AP3S2: variants seen among roughly 807,000 people sequenced by gnomAD.
The protein encoded by AP3S2 is adaptor related protein complex 3 subunit sigma 2.
In AP3S2, 22 loss-of-function variants were observed where a neutral mutation model predicts 23.4. That is an observed-to-expected ratio of 0.94 (90% CI 0.67 to 1.34). The LOEUF is 1.34. AP3S2 is among the 40% of genes most tolerant of loss of function. The pLI is 0.00. For synonymous variants in AP3S2, 86 were observed against 87.1 expected, an observed-to-expected ratio of 0.99 and a Z score of 0.07; for missense variants, 241 against 236.9, an observed-to-expected ratio of 1.02 and a Z score of -0.11.
In AP3S2 at chr15:89,831,420, C is replaced by T. The variant is rs569691600; in HGVS notation, c.*4095G>A. On this transcript the variant is annotated 3_prime_UTR_variant, in exon 6 of 6. Transcript: ENST00000336418. ...AATCAGGATGTCTGCCAGGAGCTGACAAATCCCTCTGGGACTCTCATACTT... is the reference window on the plus strand; with the variant it reads ...AATCAGGATGTCTGCCAGGAGCTGATAAATCCCTCTGGGACTCTCATACTT... 1 of 152,398 alleles carries T rather than the reference C, an allele frequency of 6.6e-6. No homozygotes were observed. The highest frequency in any genetic ancestry group is 1.5e-5 in the Non-Finnish European group (1 of 68,064). 9.4% of individuals were successfully genotyped at this position (152,398 alleles called of 1,614,324 possible).
intron 1 of AP3S2, among the ~76,000 whole-genome samples, chr15:89,891,257 A>G (rs1156929280): frequency 6.6e-6 from 1 of 152,188 alleles, no homozygotes; most frequent in East Asian, 1.9e-4. Context: ...ACTTTCATCC[A>G]TGAGCTCATG....
chr15:89,884,934 G>A (rs565424472), intron 3 of AP3S2, among the ~76,000 whole-genome samples: 8 of 152,144 alleles, frequency 5.3e-5, no homozygotes, highest in South Asian at 2.1e-4. Context: ...GGCGTGAGCC[G>A]CTGTGCCTGG....
In AP3S2 at chr15:89,893,976, C is replaced by G; in HGVS notation, c.-27G>C. On this transcript the variant is annotated 5_prime_UTR_variant, in exon 1 of 6. Coordinates refer to ENST00000336418, the MANE Select transcript of AP3S2 (RefSeq NM_005829.5). Reference sequence around the variant, plus strand: ...TTTGCCAGCCACGGTTCTCTCAGCACCGGCTACTCCCAGAAAGCTCCTCCT... The same window carrying G: ...TTTGCCAGCCACGGTTCTCTCAGCAGCGGCTACTCCCAGAAAGCTCCTCCT... The G allele has an allele frequency of 3.2e-6, 5 of 1,549,404 alleles. No individual in the cohort carries two copies. Among genetic ancestry groups the G allele is most frequent in the Non-Finnish European group, 4.4e-6 (5 of 1,146,192 alleles).
chr15:89,835,740 C>T, intron 5 of AP3S2, 97 bp from the exon 6 acceptor site: 1 of 1,456,258 alleles, frequency 6.9e-7, no homozygotes. Context: ...CAAAAACAAA[C>T]AAGCAGGATG....
At chr15:89,868,434 T>C (rs1596208455) in intron 4 of AP3S2, among the ~76,000 whole-genome samples, 2 of 48,128 alleles carry the variant, frequency 4.2e-5, no homozygotes, top group Non-Finnish European at 8.2e-5. Context: ...GTCTGGGAGG[T>C]GAGGGGCGCC....
chr15:89,831,468 T>C lies in AP3S2; in HGVS notation c.*4047A>G, dbSNP rs377380439. The C allele has an allele frequency of 6.6e-6, 1 of 152,276 alleles. No individual in the cohort carries two copies. The highest frequency in any genetic ancestry group is 6.5e-5 in the Admixed American group (1 of 15,290). The allele number at this position is 152,276 out of a possible 1,614,324, so 9.4% of individuals were successfully genotyped here. A position where few individuals can be genotyped will look rare whatever the true frequency, so the allele number is the denominator to read the frequency against. On this transcript the variant is annotated 3_prime_UTR_variant, in exon 6 of 6. Coordinates refer to ENST00000336418, the MANE Select transcript of AP3S2 (RefSeq NM_005829.5). ...CTTCAGAGGCTCTCCAGTTTGGCTA[T>C]TGCTAAACTTGGACTAGCCCCTACT...
intron 4 of AP3S2, among the ~76,000 whole-genome samples, chr15:89,850,990 C>T (rs1410506064): frequency 6.6e-6 from 1 of 152,084 alleles, no homozygotes; most frequent in East Asian, 1.9e-4. Context: ...GCTGGGATTA[C>T]AGCACCTGGC....
chr15:89,876,186 G>C (rs1333156769), intron 3 of AP3S2, among the ~76,000 whole-genome samples: 1 of 152,114 alleles, frequency 6.6e-6, no homozygotes, highest in Non-Finnish European at 1.5e-5. Flanking sequence ...GGGAGGCCAA[G>C]TCAGGCAGAT....
At chr15:89,877,297 A>G (rs764828000) in intron 3 of AP3S2, 4 of 1,329,868 alleles carry the variant, frequency 3.0e-6, no homozygotes, top group African/African-American at 1.5e-5. Flanking sequence ...AGTTTGAAAA[A>G]GATCATACTT....
intron 3 of AP3S2, chr15:89,877,282 G>A: frequency 7.7e-7 from 1 of 1,301,770 alleles, no homozygotes; most frequent in Non-Finnish European, 1.0e-6. Context: ...GTGAGAAATG[G>A]ATGCAGTTTG....
chr15:89,888,326 G>A (rs750929288), intron 3 of AP3S2, among the ~76,000 whole-genome samples, 195 bp downstream of exon 3: 9 of 152,182 alleles, frequency 5.9e-5, no homozygotes, highest in Non-Finnish European at 1.2e-4. Flanking sequence ...GGCAGTGCAA[G>A]GGCTAGATAG....
chr15:89,844,777 A>G (rs1428767160), intron 4 of AP3S2, among the ~76,000 whole-genome samples: 1 of 152,186 alleles, frequency 6.6e-6, no homozygotes, highest in African/African-American at 2.4e-5. Context: ...TAAGTACAGA[A>G]TCCTAGATTT....
chr15:89,837,646 A>G lies in AP3S2; in HGVS notation c.422T>C (p.Ile141Thr), dbSNP rs375132697. Reference sequence around the variant, plus strand: ...TTTCTCCAGCCTGTTTTGAGCCTCAATCTGAGCCACGATTTCATTCATGTT... The same window carrying G: ...TTTCTCCAGCCTGTTTTGAGCCTCAGTCTGAGCCACGATTTCATTCATGTT... ...ETNMNEIVAQ[I>T]EAQNRLEKSE... Residue 141 changes from isoleucine to threonine, a missense_variant, in exon 5 of 6, where the codon ATT becomes ACT. Ile to Thr is a moderately conservative substitution (Grantham distance 89). Coordinates refer to ENST00000336418, the MANE Select transcript of AP3S2 (RefSeq NM_005829.5). 1.2e-6 allele frequency: 2 copies of G among 1,614,020 alleles called. No individual in the cohort carries two copies. Among genetic ancestry groups the G allele is most frequent in the African/African-American group, 1.3e-5 (1 of 74,928 alleles).
chr15:89,835,318 G>T lies in AP3S2; in HGVS notation c.*197C>A. On this transcript the variant is annotated 3_prime_UTR_variant, in exon 6 of 6. Coordinates refer to ENST00000336418, the MANE Select transcript of AP3S2 (RefSeq NM_005829.5). The stretch of plus-strand genomic sequence containing the variant: ...CAGAGAACGGCATGACTGCACATGT[G>T]AGAACTGGGTGCACCCGAGCAGTGT... The T allele has an allele frequency of 2.3e-6, 2 of 888,668 alleles. No individual in the cohort carries two copies. The highest frequency in any genetic ancestry group is 1.7e-5 in the African/African-American group (1 of 59,360). 55.0% of individuals were successfully genotyped at this position (888,668 alleles called of 1,614,324 possible).
chr15:89,878,037 T>C (rs1896483892), intron 3 of AP3S2, among the ~76,000 whole-genome samples: 1 of 152,230 alleles, frequency 6.6e-6, no homozygotes, highest in Admixed American at 6.5e-5. Context: ...TGAAATCTCA[T>C]ACATGCATTT....
intron 3 of AP3S2, among the ~76,000 whole-genome samples, chr15:89,876,363 G>A (rs141437285): frequency 2.6e-5 from 4 of 152,088 alleles, no homozygotes; most frequent in East Asian, 3.9e-4. Context: ...AGGTTTCAGT[G>A]AGCTGAGGTC....
intron 3 of AP3S2, among the ~76,000 whole-genome samples, chr15:89,878,687 A>G (rs1896499345): frequency 6.6e-6 from 1 of 152,072 alleles, no homozygotes; most frequent in African/African-American, 2.4e-5. Flanking sequence ...CAGCCTCCCA[A>G]GTAGCTGAGA....
At chr15:89,885,967 T>A (rs912055994) in intron 3 of AP3S2, among the ~76,000 whole-genome samples, 10 of 151,608 alleles carry the variant, frequency 6.6e-5, no homozygotes, top group Non-Finnish European at 1.2e-4. Flanking sequence ...TCAAACTTTT[T>A]AGTTCCTATT....
At chr15:89,867,805 C>T (rs28544178) in intron 4 of AP3S2, among the ~76,000 whole-genome samples, 81 of 131,546 alleles carry the variant, frequency 6.2e-4, no homozygotes, top group Non-Finnish European at 7.4e-4. Context: ...GTGAGGAGCC[C>T]CTCCGCCCGG....
Sources: allele counts gnomAD v4.1 joint callset (sites outside exome capture counted in the v4.1 genomes callset), GRCh38; gene constraint gnomAD v4.1.1; transcripts MANE v1.5; gene names NCBI Gene and HGNC (gene_info 2026-07-23, HGNC 2026-07-21).